MYO1D: variants seen among roughly 807,000 people sequenced by gnomAD.
MYO1D encodes the protein unconventional myosin-Id.
A neutral mutation model predicts 122.0 loss-of-function variants in MYO1D; 83 were observed. That is an observed-to-expected ratio of 0.68 (90% CI 0.57 to 0.82). The LOEUF is 0.82. Among genes scored for constraint, MYO1D ranks in the 40% least tolerant of loss-of-function variants. The pLI, the probability that MYO1D is intolerant of heterozygous loss-of-function variation, is 0.00. For synonymous variants in MYO1D, 464 were observed against 446.9 expected (o/e 1.04, Z -0.48); for missense variants, 1,157 against 1,269.5 (o/e 0.91, Z 1.35).
chr17:32,559,615 A>G (rs2087099800), intron 21 of MYO1D, among the ~76,000 whole-genome samples: 1 of 152,204 alleles, frequency 6.6e-6, no homozygotes, highest in Non-Finnish European at 1.5e-5. Flanking sequence ...AGTTGTTCTC[A>G]ATCTATTCTG....
At chr17:32,591,108 T>C (rs1480652551) in intron 21 of MYO1D, among the ~76,000 whole-genome samples, 2 of 152,218 alleles carry the variant, frequency 1.3e-5, no homozygotes, top group Non-Finnish European at 2.9e-5. Flanking sequence ...CTGCACAACC[T>C]CTTGGTGAGC....
chr17:32,528,455 G>A (rs750270155), intron 21 of MYO1D, among the ~76,000 whole-genome samples: 28 of 152,128 alleles, frequency 1.8e-4, no homozygotes, highest in African/African-American at 5.3e-4. Context: ...GTGTGTGTGC[G>A]TATGTGTGTG....
chr17:32,735,081 AACACAC>A (rs371150333), intron 14 of MYO1D, among the ~76,000 whole-genome samples: 114 of 138,104 alleles, frequency 8.3e-4, no homozygotes, highest in Middle Eastern at 3.6e-3. Context: ...ATTCCATCTG[AACACAC>A]ACACACACAC....
At chr17:32,671,363 G>C (rs1306709726) in intron 16 of MYO1D, among the ~76,000 whole-genome samples, 1 of 152,188 alleles carries the variant, frequency 6.6e-6, no homozygotes, top group Non-Finnish European at 1.5e-5. Context: ...CAGGGTGCCC[G>C]GGCTGCGAGT....
rs559350175 is a variant in MYO1D at position 32,633,399 on chromosome 17, C to CA, written c.2709+5322_2709+5323insT. Among the ~76,000 whole-genome samples the CA allele has an allele frequency of 2.4e-3, 358 of 152,306 alleles. 5 individuals are homozygous for CA. The highest frequency in any genetic ancestry group is 8.1e-3 in the African/African-American group (338 of 41,570). ...TAGGTACAATGAAGAGCTCTTCACT[C>CA]TAGTGTTTCACACATCCCTCTCTTT... On this transcript the variant is annotated intron_variant, in intron 20 of 21. Transcript: ENST00000318217.
At chr17:32,562,549 C>G (rs1233344618) in intron 21 of MYO1D, among the ~76,000 whole-genome samples, 1 of 151,846 alleles carries the variant, frequency 6.6e-6, no homozygotes, top group African/African-American at 2.4e-5. Flanking sequence ...ATGGTGTGAT[C>G]AAGGCTCACT....
chr17:32,771,018 T>G, intron 6 of MYO1D, 107 bp downstream of exon 6: 1 of 704,078 alleles, frequency 1.4e-6, no homozygotes, highest in Non-Finnish European at 2.3e-6. Flanking sequence ...ATAAAAGAGA[T>G]GTTTATTTGC....
chr17:32,511,631 C>G (rs1250125880), intron 21 of MYO1D, among the ~76,000 whole-genome samples: 1 of 145,850 alleles, frequency 6.9e-6, no homozygotes, highest in African/African-American at 2.6e-5. Flanking sequence ...GACATCTTTG[C>G]TATTTCCTGC....
chr17:32,596,441 G>A (rs1479595205), intron 21 of MYO1D, among the ~76,000 whole-genome samples: 1 of 152,148 alleles, frequency 6.6e-6, no homozygotes, highest in African/African-American at 2.4e-5. Flanking sequence ...CTTGTCATGA[G>A]GCCTCACCTC....
intron 21 of MYO1D, among the ~76,000 whole-genome samples, chr17:32,561,705 AAAG>A (rs1212007499): frequency 1.2e-5 from 1 of 82,834 alleles, no homozygotes; most frequent in Non-Finnish European, 2.2e-5. Context: ...AAAAAAAAAA[AAAG>A]AAAACTTGGA....
intron 1 of MYO1D, 147 bp downstream of exon 1, chr17:32,876,631 G>T: frequency 3.5e-6 from 2 of 575,544 alleles, no homozygotes; most frequent in Non-Finnish European, 5.6e-6. Context: ...CGCGGAGCTT[G>T]GCAGACCCCC....
chr17:32,724,132 GTTTAC>G lies in MYO1D; in HGVS notation c.1747-2948_1747-2944del, dbSNP rs571779908. Among the ~76,000 whole-genome samples, 1,349 of 152,228 alleles carry G rather than the reference GTTTAC, an allele frequency of 8.9e-3. 10 individuals are homozygous for G. The highest frequency in any genetic ancestry group is 0.014 in the Non-Finnish European group (938 of 68,004). ...GATGGGGAAGTCGGGCGGAGGCACT[GTTTAC>G]TTAAGGATTTTCTACTAGTTTGCTG... On this transcript the variant is annotated intron_variant, in intron 14 of 21. Transcript: ENST00000318217.
chr17:32,542,138 C>T (rs1306727400), intron 21 of MYO1D, among the ~76,000 whole-genome samples: 1 of 152,176 alleles, frequency 6.6e-6, no homozygotes, highest in African/African-American at 2.4e-5. Context: ...GTCTGTGTGC[C>T]TCATGTCTTA....
At chr17:32,712,657 C>T (rs1261895195) in intron 15 of MYO1D, among the ~76,000 whole-genome samples, 1 of 152,122 alleles carries the variant, frequency 6.6e-6, no homozygotes, top group African/African-American at 2.4e-5. Flanking sequence ...GGAAATCAAG[C>T]AGATCTCTAG....
At chr17:32,601,555 A>C in intron 21 of MYO1D, among the ~76,000 whole-genome samples, 1 of 152,220 alleles carries the variant, frequency 6.6e-6, no homozygotes, top group Non-Finnish European at 1.5e-5. Context: ...TTGAAATATT[A>C]TGAGAATTAT....
chr17:32,552,498 C>T (rs1034813422), intron 21 of MYO1D, among the ~76,000 whole-genome samples: 1 of 121,338 alleles, frequency 8.2e-6, no homozygotes, highest in Non-Finnish European at 1.8e-5. Context: ...TCCCTCCCAA[C>T]CATCTGTTCA....
At chr17:32,818,125 C>CAAAAAAAAAAAAAAAAAAAAAA (rs58466009) in intron 1 of MYO1D, among the ~76,000 whole-genome samples, 60 of 45,976 alleles carry the variant, frequency 1.3e-3, no homozygotes, top group East Asian at 4.0e-3. Context: ...GACTCCGTCT[C>CAAAAAAAAAAAAAAAAAAAAAA]AAAAAAAAAA....
At chr17:32,808,634 G>A (rs2090542270) in intron 1 of MYO1D, among the ~76,000 whole-genome samples, 1 of 152,110 alleles carries the variant, frequency 6.6e-6, no homozygotes, top group Admixed American at 6.5e-5. Flanking sequence ...TTTGGAGAGG[G>A]GGCCTTTGGG....
At chr17:32,781,889 T>G (rs1249558832) in intron 1 of MYO1D, among the ~76,000 whole-genome samples, 2 of 152,208 alleles carry the variant, frequency 1.3e-5, no homozygotes, top group African/African-American at 4.8e-5. Flanking sequence ...TAGAAACATA[T>G]GTGGCCCAGA....
Sources: allele counts gnomAD v4.1 joint callset (sites outside exome capture counted in the v4.1 genomes callset), GRCh38; gene constraint gnomAD v4.1.1; transcripts MANE v1.5; gene names NCBI Gene and HGNC (gene_info 2026-07-23, HGNC 2026-07-21).